PCTP: variants seen among roughly 807,000 people sequenced by gnomAD.
The protein encoded by PCTP is START domain-containing protein 2.
A neutral mutation model predicts 31.0 loss-of-function variants in PCTP; 27 were observed. The ratio of observed to expected loss-of-function variants is 0.87; its 90% CI spans 0.64 to 1.20. The LOEUF is 1.20. Among genes scored for constraint, PCTP ranks in the 50% most tolerant of loss-of-function variants. The pLI, the probability that PCTP is intolerant of heterozygous loss-of-function variation, is 0.00. For synonymous variants in PCTP, 108 were observed against 101.2 expected (o/e 1.07, Z -0.40); for missense variants, 287 against 268.2 (o/e 1.07, Z -0.49).
chr17:55,837,017 T>C (rs1905799001), intron 5 of PCTP, among the ~76,000 whole-genome samples: 1 of 152,146 alleles, frequency 6.6e-6, no homozygotes, highest in Non-Finnish European at 1.5e-5. Context: ...AGGACTAGTC[T>C]GGTGATGTGA....
At chr17:55,794,205 C>G (rs112612708) in intron 3 of PCTP, among the ~76,000 whole-genome samples, 35 of 152,200 alleles carry the variant, frequency 2.3e-4, no homozygotes, top group African/African-American at 7.7e-4. Flanking sequence ...GCTCTAATTA[C>G]ATTCCCAAGA....
At chr17:55,828,633 T>G (rs537217897) in intron 5 of PCTP, among the ~76,000 whole-genome samples, 1 of 152,246 alleles carries the variant, frequency 6.6e-6, no homozygotes, top group Admixed American at 6.5e-5. Flanking sequence ...GGTATGGAGA[T>G]TAGGACTTCA....
At chr17:55,757,303 A>G (rs1013836416) in intron 1 of PCTP, among the ~76,000 whole-genome samples, 3 of 151,096 alleles carry the variant, frequency 2.0e-5, no homozygotes, top group African/African-American at 7.3e-5. Flanking sequence ...TATATATTCT[A>G]ATGCACACTC....
intron 4 of PCTP, 43 bp downstream of exon 4, chr17:55,773,938 C>T: frequency 6.5e-7 from 1 of 1,539,334 alleles, no homozygotes; most frequent in South Asian, 1.2e-5. Context: ...CCAGGGGTCC[C>T]CCACGGGAGG....
At chr17:55,830,386 T>C (rs1318488957) in intron 5 of PCTP, among the ~76,000 whole-genome samples, 8 of 152,212 alleles carry the variant, frequency 5.3e-5, no homozygotes, top group Admixed American at 5.2e-4. Flanking sequence ...ACTAGGAACA[T>C]GTTGATTTGG....
chr17:55,793,004 C>T (rs2145009444), intron 3 of PCTP, among the ~76,000 whole-genome samples: 1 of 152,202 alleles, frequency 6.6e-6, no homozygotes, highest in South Asian at 2.1e-4. Context: ...CGCATCTCCC[C>T]ATGCCCTTCA....
At chr17:55,792,705 T>G (rs763403144) in intron 3 of PCTP, among the ~76,000 whole-genome samples, 2 of 152,124 alleles carry the variant, frequency 1.3e-5, no homozygotes, top group African/African-American at 2.4e-5. Context: ...CCAGGTGACT[T>G]CAAAAGCCTA....
chr17:55,771,972 C>CA (rs1050353565), intron 3 of PCTP, among the ~76,000 whole-genome samples: 1 of 151,444 alleles, frequency 6.6e-6, no homozygotes, highest in African/African-American at 2.4e-5. Context: ...CTCTTGGAGT[C>CA]AAAAAAAAGT....
At chr17:55,771,636 C>G (rs1195891051) in intron 3 of PCTP, among the ~76,000 whole-genome samples, 1 of 152,200 alleles carries the variant, frequency 6.6e-6, no homozygotes, top group African/African-American at 2.4e-5. Flanking sequence ...CCAGCTCTCT[C>G]CGCCTCCCCC....
downstream of PCTP, among the ~76,000 whole-genome samples, chr17:55,824,937 A>G (rs1237922198): frequency 6.6e-6 from 1 of 152,354 alleles, no homozygotes. Context: ...AGCATTGAGT[A>G]TACAAATGAA....
chr17:55,843,690 G>A (rs908683791), downstream of PCTP, among the ~76,000 whole-genome samples: 5 of 152,178 alleles, frequency 3.3e-5, no homozygotes, highest in Non-Finnish European at 7.3e-5. Flanking sequence ...AGCTTGAAAT[G>A]TTAACAGTTG....
At chr17:55,773,301 C>T (rs2144965724) in intron 3 of PCTP, among the ~76,000 whole-genome samples, 1 of 152,296 alleles carries the variant, frequency 6.6e-6, no homozygotes, top group South Asian at 2.1e-4. Flanking sequence ...CCAGGTCTTT[C>T]TCTAATGCCC....
intron 3 of PCTP, among the ~76,000 whole-genome samples, chr17:55,795,613 G>T (rs1201561149): frequency 6.6e-6 from 1 of 152,058 alleles, no homozygotes; most frequent in Non-Finnish European, 1.5e-5. Flanking sequence ...GCTACTTAAA[G>T]AGGTTCTCAC....
At chr17:55,828,952 C>A (rs78865676) in intron 5 of PCTP, among the ~76,000 whole-genome samples, 2 of 152,110 alleles carry the variant, frequency 1.3e-5, no homozygotes, top group African/African-American at 2.4e-5. Context: ...CCCAGTCCCC[C>A]CTACATGTTA....
At chr17:55,778,600 G>C (rs1911448485), downstream of PCTP, among the ~76,000 whole-genome samples, 1 of 148,074 alleles carries the variant, frequency 6.8e-6, no homozygotes. Context: ...CCCCAAGTCA[G>C]CGTTTTGTGG....
chr17:55,774,659 C>T (rs1017368383), intron 4 of PCTP, 133 bp from the exon 5 acceptor site: 7 of 696,934 alleles, frequency 1.0e-5, no homozygotes, highest in African/African-American at 1.8e-5. Flanking sequence ...GAGAGAAGTC[C>T]ATCTGAATTA....
chr17:55,816,437 C>G (rs1054308349), intron 3 of PCTP, among the ~76,000 whole-genome samples: 1 of 152,164 alleles, frequency 6.6e-6, no homozygotes, highest in Non-Finnish European at 1.5e-5. Context: ...CCTAGTAGGC[C>G]TTTTAGCAAG....
At chr17:55,812,501 A>G (rs1390934163) in intron 3 of PCTP, among the ~76,000 whole-genome samples, 1 of 152,216 alleles carries the variant, frequency 6.6e-6, no homozygotes, top group Non-Finnish European at 1.5e-5. Context: ...GGAGTGCCAG[A>G]TTAGATTCCT....
chr17:55,787,712 A>C (rs576204226), intron 3 of PCTP: 15 of 152,286 alleles, frequency 9.8e-5, no homozygotes, highest in African/African-American at 3.4e-4. Context: ...CATCTTATCT[A>C]CCATCTTGAA....
Sources: gnomAD v4.1 joint callset for allele counts (sites outside exome capture counted in the v4.1 genomes callset) on GRCh38, gnomAD v4.1.1 for gene constraint, MANE v1.5 for transcripts, NCBI Gene and HGNC (gene_info 2026-07-23, HGNC 2026-07-21) for gene names.